PCDHGA8: variants seen among roughly 807,000 people sequenced by gnomAD.
PCDHGA8 encodes protocadherin gamma-A8.
In PCDHGA8, 45 loss-of-function variants were observed where a neutral mutation model predicts 59.2. The ratio of observed to expected loss-of-function variants is 0.76; its 90% CI spans 0.60 to 0.98. The LOEUF (loss-of-function observed/expected upper bound fraction) is 0.98. Among genes scored for constraint, PCDHGA8 ranks in the 50% least tolerant of loss-of-function variants. PCDHGA8 has a pLI of 0.00. For synonymous variants in PCDHGA8, 531 were observed against 519.0 expected, an observed-to-expected ratio of 1.02 and a Z score of -0.32; for missense variants, 1,257 against 1,196.2, an observed-to-expected ratio of 1.05 and a Z score of -0.75.
intron 1 of PCDHGA8, chr5:141,433,250 G>A: frequency 1.4e-6 from 2 of 1,440,892 alleles, no homozygotes; most frequent in Non-Finnish European, 1.9e-6. Flanking sequence ...CTGGAATGCA[G>A]CGGTACGATC....
chr5:141,410,665 G>A, intron 1 of PCDHGA8: 1 of 1,569,394 alleles, frequency 6.4e-7, no homozygotes, highest in Non-Finnish European at 8.6e-7. Context: ...TAGTCTACTA[G>A]TTTCTCATAT....
Position 141,486,239 on chromosome 5 carries a change from C to G in PCDHGA8, c.2425-8568C>G, listed in dbSNP as rs751510109. On this transcript the variant is annotated intron_variant, in intron 1 of 3. Transcript: ENST00000398604. The surrounding 1 kb of genome is among the most constrained non-coding windows in gnomAD (Gnocchi z 5.0). ...CCCTTACATCACAGTGACCTCAGAG[C>G]TTGGAACCCTCCCCGAGAGTGCAGA... 6.2e-7 allele frequency: 1 copy of G among 1,614,160 alleles called. No individual in the cohort carries two copies. Among genetic ancestry groups the G allele is most frequent in the Admixed American group, 1.7e-5 (1 of 60,020 alleles).
intron 1 of PCDHGA8, chr5:141,419,006 A>T: frequency 6.2e-7 from 1 of 1,614,006 alleles, no homozygotes. Context: ...TGGGGAAGTC[A>T]GGTGTAGCTT....
At chr5:141,408,052 C>G in intron 1 of PCDHGA8, 1 of 1,283,102 alleles carries the variant, frequency 7.8e-7, no homozygotes, top group Non-Finnish European at 1.0e-6. Flanking sequence ...CACACAGAGC[C>G]TCCCGGCTGC....
Position 141,489,087 on chromosome 5 carries a change from TGA to T in PCDHGA8, c.2425-5719_2425-5718del. The T allele has an allele frequency of 4.6e-6, 1 of 216,098 alleles. No individual in the cohort carries two copies. 13.4% of individuals were successfully genotyped at this position (216,098 alleles called of 1,614,324 possible). ...CCCCCTGCCCACCCCCGCCACTCGGTGACTAAGAACTGCTGCAAGCAGGCAAA... is the reference window on the plus strand; with the variant it reads ...CCCCCTGCCCACCCCCGCCACTCGGTCTAAGAACTGCTGCAAGCAGGCAAA... On this transcript the variant is annotated intron_variant, in intron 1 of 3. Transcript: ENST00000398604. The surrounding 1 kb of genome is among the most constrained non-coding windows in gnomAD (Gnocchi z 4.5).
intron 1 of PCDHGA8, among the ~76,000 whole-genome samples, chr5:141,472,405 G>A (rs1207849470): frequency 6.6e-6 from 1 of 152,086 alleles, no homozygotes; most frequent in Non-Finnish European, 1.5e-5. Flanking sequence ...GCCAGGCGTG[G>A]TGGCACGCAC....
At chr5:141,437,426 C>G (rs531265278) in intron 1 of PCDHGA8, among the ~76,000 whole-genome samples, 2 of 152,150 alleles carry the variant, frequency 1.3e-5, no homozygotes, top group Non-Finnish European at 2.9e-5. Context: ...CTTTTTGAAG[C>G]AGCAATAGCA....
At position 141,490,788 on chromosome 5, in the gene PCDHGA8, C is replaced by G. The variant is rs2099704332; in HGVS notation, c.2425-4019C>G. ...ATGTCAACCCAGAGGATGGACGGAT[C>G]TTTGCCCAGCGTACCTTTGACTATG... On this transcript the variant is annotated intron_variant, in intron 1 of 3. Coordinates refer to ENST00000398604, the MANE Select transcript of PCDHGA8 (RefSeq NM_032088.2). The surrounding 1 kb of genome is among the most constrained non-coding windows in gnomAD (Gnocchi z 5.4). 6.2e-7 allele frequency: 1 copy of G among 1,613,918 alleles called. No homozygotes were observed. The highest frequency in any genetic ancestry group is 1.1e-5 in the South Asian group (1 of 91,084).
chr5:141,417,566 C>G, intron 1 of PCDHGA8: 1 of 362,746 alleles, frequency 2.8e-6, no homozygotes. Context: ...AGAGAAAAGT[C>G]AAGTTGCAGT....
Position 141,431,374 on chromosome 5 carries a change from GGCT to G in PCDHGA8, c.2424+36141_2424+36143del, listed in dbSNP as rs752583215. The G allele has an allele frequency of 1.7e-4, 275 of 1,613,980 alleles. No individual in the cohort carries two copies. Among genetic ancestry groups the G allele is most frequent in the Non-Finnish European group, 2.0e-4 (238 of 1,180,036 alleles). On this transcript the variant is annotated intron_variant, in intron 1 of 3. Coordinates refer to ENST00000398604, the MANE Select transcript of PCDHGA8 (RefSeq NM_032088.2). This position sits in a 1 kb window ranked among gnomAD's most constrained non-coding sequence, Gnocchi z 4.8. Reference sequence around the variant, plus strand: ...AACGCGCCCTGGACCGCGAAGAAAAGGCTGCTCACCACCTGGTCCTTACGGCCT... The same window carrying G: ...AACGCGCCCTGGACCGCGAAGAAAAGGCTCACCACCTGGTCCTTACGGCCT...
At chr5:141,474,130 C>T (rs28684928) in intron 1 of PCDHGA8, among the ~76,000 whole-genome samples, 6 of 152,160 alleles carry the variant, frequency 3.9e-5, no homozygotes. Context: ...TCTCAGAAAA[C>T]TACAGGCCTT....
At chr5:141,414,930 C>A (rs561548499) in intron 1 of PCDHGA8, 1 of 1,614,156 alleles carries the variant, frequency 6.2e-7, no homozygotes, top group South Asian at 1.1e-5. Flanking sequence ...CGCCCCGCTC[C>A]GCAGAGCCCG....
chr5:141,511,055 A>ATG lies in PCDHGA8; in HGVS notation c.2683_2684dup (p.Tyr896SerfsTer10). 1 of 1,614,218 alleles carries ATG rather than the reference A, an allele frequency of 6.2e-7. No individual in the cohort carries two copies. The highest frequency in any genetic ancestry group is 8.5e-7 in the Non-Finnish European group (1 of 1,180,026). On this transcript the variant is annotated frameshift_variant, in exon 4 of 4. Coordinates refer to ENST00000398604, the MANE Select transcript of PCDHGA8 (RefSeq NM_032088.2). LOFTEE classifies it high-confidence loss of function. Reference sequence around the variant, plus strand: ...CAGCACGTGCCCGACTACCGCCAGAATGTCTACATCCCAGGCAGCAATGCC... The same window carrying ATG: ...CAGCACGTGCCCGACTACCGCCAGAATGTGTCTACATCCCAGGCAGCAATGCC...
At chr5:141,483,361 A>G (rs752805137) in intron 1 of PCDHGA8, among the ~76,000 whole-genome samples, 1 of 152,102 alleles carries the variant, frequency 6.6e-6, no homozygotes, top group South Asian at 2.1e-4. Context: ...TTTGAAAGCT[A>G]TTGCAATATT....
In PCDHGA8 at chr5:141,489,261, A is replaced by C; in HGVS notation, c.2425-5546A>C. 6.4e-7 allele frequency: 1 copy of C among 1,551,956 alleles called. No individual in the cohort carries two copies. Among genetic ancestry groups the C allele is most frequent in the East Asian group, 2.2e-5 (1 of 44,450 alleles). Reference sequence around the variant, plus strand: ...GGGTCATGGGGCCCAAGACACTCCCACAGCTCGCTGGGAAATGGCAAGTGC... The same window carrying C: ...GGGTCATGGGGCCCAAGACACTCCCCCAGCTCGCTGGGAAATGGCAAGTGC... On this transcript the variant is annotated intron_variant, in intron 1 of 3. Coordinates refer to ENST00000398604, the MANE Select transcript of PCDHGA8 (RefSeq NM_032088.2). The surrounding 1 kb of genome is among the most constrained non-coding windows in gnomAD (Gnocchi z 4.5).
chr5:141,421,799 A>G (rs778353620), intron 1 of PCDHGA8: 1 of 1,613,860 alleles, frequency 6.2e-7, no homozygotes, highest in South Asian at 1.1e-5. Flanking sequence ...GATGGGGCCA[A>G]GAATCCAGAG....
At chr5:141,404,616 A>G (rs940307932) in intron 1 of PCDHGA8, 3 of 1,614,168 alleles carry the variant, frequency 1.9e-6, no homozygotes, top group Non-Finnish European at 2.5e-6. Flanking sequence ...GTTTTGGACC[A>G]GAATGACAAT....
At chr5:141,445,768 T>A (rs2098476928) in intron 1 of PCDHGA8, among the ~76,000 whole-genome samples, 1 of 152,074 alleles carries the variant, frequency 6.6e-6, no homozygotes, top group Admixed American at 6.6e-5. Context: ...CTCAAGCAAT[T>A]TAAAAGGGCT....
intron 2 of PCDHGA8, among the ~76,000 whole-genome samples, chr5:141,495,471 G>A (rs2099761632): frequency 6.6e-6 from 1 of 152,190 alleles, no homozygotes; most frequent in Non-Finnish European, 1.5e-5. Context: ...TGGGGTCTCC[G>A]TGTCTCTGCC....
Sources: allele counts gnomAD v4.1 joint callset (sites outside exome capture counted in the v4.1 genomes callset), GRCh38; gene constraint gnomAD v4.1.1; non-coding constraint Gnocchi (gnomAD v3.1); transcripts MANE v1.5; gene names NCBI Gene and HGNC (gene_info 2026-07-23, HGNC 2026-07-21).